The following GARNL3 variants were observed in gnomAD, a reference collection of about 807,000 sequenced individuals.
GARNL3 encodes the protein GTPase activating Rap/RanGAP domain like 3, also known as GTPase-activating Rap/Ran-GAP domain-like protein 3.
GARNL3 carries 63 observed loss-of-function variants against 125.0 expected under a neutral mutation model. The ratio of observed to expected loss-of-function variants is 0.50; its 90% CI spans 0.41 to 0.62. The LOEUF (loss-of-function observed/expected upper bound fraction) is 0.62. Ranked by LOEUF, GARNL3 falls within the 20% of genes least tolerant of loss-of-function variation. The pLI is 0.00. For synonymous variants in GARNL3, 439 were observed against 457.5 expected, an observed-to-expected ratio of 0.96 and a Z score of 0.52; for missense variants, 994 against 1,244.0, an observed-to-expected ratio of 0.80 and a Z score of 3.02.
chr9:127,348,903 G>A (rs370958161), intron 16 of GARNL3, 21 bp from the exon 17 acceptor site: 13 of 1,550,260 alleles, frequency 8.4e-6, no homozygotes, highest in African/African-American at 6.8e-5. Context: ...CTTATCTTCC[G>A]ATGCTTGTAT....
intron 22 of GARNL3, among the ~76,000 whole-genome samples, chr9:127,382,306 T>C (rs767171069): frequency 4.0e-5 from 6 of 151,686 alleles, no homozygotes; most frequent in Non-Finnish European, 7.4e-5. Flanking sequence ...TCTCAAAAAT[T>C]AAAAATAATA....
At chr9:127,388,068 C>CA (rs1486514337) in intron 25 of GARNL3, among the ~76,000 whole-genome samples, 2 of 152,110 alleles carry the variant, frequency 1.3e-5, no homozygotes, top group Admixed American at 1.3e-4. Context: ...ATCACCTGAG[C>CA]AGCGGAGGTC....
chr9:127,326,234 G>A (rs1013876085), intron 7 of GARNL3, among the ~76,000 whole-genome samples: 1 of 152,104 alleles, frequency 6.6e-6, no homozygotes, highest in Non-Finnish European at 1.5e-5. Flanking sequence ...TCATTTGTGT[G>A]CTTATTATCT....
At chr9:127,362,060 C>T (rs1251757085) in intron 21 of GARNL3, 4 of 148,202 alleles carry the variant, frequency 2.7e-5, no homozygotes, top group Non-Finnish European at 5.9e-5. Flanking sequence ...AGGGGCTCTT[C>T]ATTTCTCCTT....
At chr9:127,285,545 T>A (rs1202426708) in intron 1 of GARNL3, among the ~76,000 whole-genome samples, 2 of 152,256 alleles carry the variant, frequency 1.3e-5, no homozygotes, top group Non-Finnish European at 2.9e-5. Context: ...AAATTTATGA[T>A]TTGATTCCGC....
intron 22 of GARNL3, among the ~76,000 whole-genome samples, chr9:127,379,939 G>A (rs1246984455): frequency 6.6e-6 from 1 of 152,152 alleles, no homozygotes. Context: ...CAGCGCTTTG[G>A]GAGGCCAAAG....
rs1472879452 is a variant in GARNL3, at chr9:127,280,261, G to A, written c.145-10907G>A. Among the ~76,000 whole-genome samples, 3 of 152,092 alleles carry A rather than the reference G, an allele frequency of 2.0e-5. No individual in the cohort carries two copies. The highest frequency in any genetic ancestry group is 4.4e-5 in the Non-Finnish European group (3 of 68,014). On this transcript the variant is annotated intron_variant, in intron 1 of 27. Coordinates refer to ENST00000373387, the MANE Select transcript of GARNL3 (RefSeq NM_032293.5). The surrounding 1 kb of genome is among the most constrained non-coding windows in gnomAD (Gnocchi z 4.5). Reference sequence around the variant, plus strand: ...CTGCCCTCAGGACTCTCCATGTCTCGCTCCCTACCTGGGGCACTTGGTTTA... The same window carrying A: ...CTGCCCTCAGGACTCTCCATGTCTCACTCCCTACCTGGGGCACTTGGTTTA...
At chr9:127,373,745 T>G (rs927271015) in intron 22 of GARNL3, among the ~76,000 whole-genome samples, 3 of 152,208 alleles carry the variant, frequency 2.0e-5, no homozygotes, top group African/African-American at 7.2e-5. Flanking sequence ...GACTCCTGGC[T>G]GGGCGCGATG....
At chr9:127,259,009 T>G (rs2063539900), upstream of GARNL3, among the ~76,000 whole-genome samples, 1 of 152,204 alleles carries the variant, frequency 6.6e-6, no homozygotes. Context: ...CCTTAACTCT[T>G]CTACCAGGCC....
chr9:127,335,122 A>G, intron 9 of GARNL3, 108 bp from the exon 10 acceptor site: 1 of 762,260 alleles, frequency 1.3e-6, no homozygotes, highest in Non-Finnish European at 2.3e-6. Context: ...TAATCCAAAT[A>G]TCTTGGAGAA....
intron 1 of GARNL3, among the ~76,000 whole-genome samples, chr9:127,281,907 A>G (rs2064115160): frequency 6.6e-6 from 1 of 152,192 alleles, no homozygotes; most frequent in Non-Finnish European, 1.5e-5. Flanking sequence ...CTTGACCAGT[A>G]TTTGCAGTTT....
At chr9:127,295,057 T>C (rs2064545634) in intron 2 of GARNL3, among the ~76,000 whole-genome samples, 1 of 152,224 alleles carries the variant, frequency 6.6e-6, no homozygotes, top group Non-Finnish European at 1.5e-5. Context: ...ATCTTTTCAA[T>C]TTCCGGTCAG....
At chr9:127,319,790 C>G (rs2065345974) in intron 5 of GARNL3, among the ~76,000 whole-genome samples, 1 of 152,156 alleles carries the variant, frequency 6.6e-6, no homozygotes, top group Non-Finnish European at 1.5e-5. Flanking sequence ...TTTACTCTAG[C>G]TCCTTTCTTC....
chr9:127,346,363 G>A (rs1392892877), intron 16 of GARNL3, among the ~76,000 whole-genome samples: 1 of 152,156 alleles, frequency 6.6e-6, no homozygotes, highest in Non-Finnish European at 1.5e-5. Context: ...GATGATGTGA[G>A]CCTACGTGCT....
At chr9:127,318,426 T>G (rs1438993639) in intron 5 of GARNL3, among the ~76,000 whole-genome samples, 3 of 152,232 alleles carry the variant, frequency 2.0e-5, no homozygotes, top group Non-Finnish European at 4.4e-5. Context: ...CAACTGATTT[T>G]GAGCATTGCT....
chr9:127,383,413 T>G, intron 22 of GARNL3, 25 bp from the exon 23 acceptor site: 89 of 1,446,862 alleles, frequency 6.2e-5, no homozygotes, highest in Non-Finnish European at 7.7e-5. Context: ...CTAACAAAAA[T>G]GAGTTGCTGT....
At position 127,280,125 on chromosome 9, in the gene GARNL3, G is replaced by A. The variant is rs1237969020; in HGVS notation, c.145-11043G>A. 1.3e-5 allele frequency among the ~76,000 whole-genome samples: 2 copies of A among 152,160 alleles called. No homozygotes were observed. Among genetic ancestry groups the A allele is most frequent in the Non-Finnish European group, 2.9e-5 (2 of 68,024 alleles). On this transcript the variant is annotated intron_variant, in intron 1 of 27. Transcript: ENST00000373387. This position sits in a 1 kb window ranked among gnomAD's most constrained non-coding sequence, Gnocchi z 4.5. ...AATGTTTGCTTAGCTCTTTACATAA[G>A]CCTGAGAAAATGCCAGCTGTCTAGA...
At chr9:127,377,749 T>G (rs1831999708) in intron 22 of GARNL3, among the ~76,000 whole-genome samples, 1 of 145,960 alleles carries the variant, frequency 6.9e-6, no homozygotes, top group Non-Finnish European at 1.5e-5. Flanking sequence ...GATCGTGCCA[T>G]TGCACACCAG....
chr9:127,270,228 G>T (rs2063793472), intron 1 of GARNL3, among the ~76,000 whole-genome samples: 1 of 152,192 alleles, frequency 6.6e-6, no homozygotes, highest in South Asian at 2.1e-4. Flanking sequence ...GAAATCAATT[G>T]ACTATAGATG....
Sources: gnomAD v4.1 joint callset for allele counts (sites outside exome capture counted in the v4.1 genomes callset) on GRCh38, gnomAD v4.1.1 for gene constraint, Gnocchi (gnomAD v3.1) non-coding constraint, MANE v1.5 for transcripts, NCBI Gene and HGNC (gene_info 2026-07-23, HGNC 2026-07-21) for gene names.